The following MOXD1 variants were observed in gnomAD, a reference collection of about 807,000 sequenced individuals.
The protein encoded by MOXD1 is DBH-like monooxygenase protein 1.
In MOXD1, 62 loss-of-function variants were observed where a neutral mutation model predicts 66.6. The observed-to-expected ratio is 0.93, with a 90% CI of 0.76 to 1.15. The LOEUF is 1.15. MOXD1 is among the 50% of genes most tolerant of loss of function. The pLI is 0.00. For synonymous variants in MOXD1, 303 were observed against 281.9 expected (o/e 1.07, Z -0.75); for missense variants, 847 against 754.6 (o/e 1.12, Z -1.44).
chr6:132,325,881 CAAAT>C (rs1375627877), intron 6 of MOXD1, among the ~76,000 whole-genome samples: 3 of 152,236 alleles, frequency 2.0e-5, no homozygotes, highest in Non-Finnish European at 2.9e-5. Context: ...AATTGTTAAA[CAAAT>C]AAATCATAAA....
chr6:132,329,058 G>T (rs1003163711), intron 4 of MOXD1, among the ~76,000 whole-genome samples: 1 of 152,004 alleles, frequency 6.6e-6, no homozygotes, highest in Non-Finnish European at 1.5e-5. Context: ...TTGGTTTGCT[G>T]CACCCATTAA....
chr6:132,386,285 C>T (rs1224962840), intron 1 of MOXD1, among the ~76,000 whole-genome samples: 1 of 146,882 alleles, frequency 6.8e-6, no homozygotes, highest in Non-Finnish European at 1.5e-5. Flanking sequence ...GCCTGTAGTC[C>T]CAGCTACTTG....
rs1294063702 is a variant in MOXD1 at position 132,374,922 on chromosome 6, G to T, written c.265-145C>A. On this transcript the variant is annotated intron_variant, in intron 1 of 11. Transcript: ENST00000367963. ...CAAGGGGCTGGAGTATTCCAACTGGGGAATCAGGTCCCTGGGAAACTAGTC... is the reference window on the plus strand; with the variant it reads ...CAAGGGGCTGGAGTATTCCAACTGGTGAATCAGGTCCCTGGGAAACTAGTC... 6 of 766,742 alleles carry T rather than the reference G, an allele frequency of 7.8e-6. No individual in the cohort carries two copies. The East Asian group carries it at 1.6e-4, about 20-fold the overall frequency. 47.5% of individuals were successfully genotyped at this position (766,742 alleles called of 1,614,324 possible).
At chr6:132,377,152 T>C (rs1776407222) in intron 1 of MOXD1, among the ~76,000 whole-genome samples, 1 of 152,238 alleles carries the variant, frequency 6.6e-6, no homozygotes, top group Admixed American at 6.5e-5. Flanking sequence ...ATGTTACTTT[T>C]CTTCTGCCAA....
At chr6:132,315,293 C>T (rs1054646904) in intron 10 of MOXD1, among the ~76,000 whole-genome samples, 2 of 152,302 alleles carry the variant, frequency 1.3e-5, no homozygotes, top group South Asian at 2.1e-4. Flanking sequence ...TGGAAGAGGG[C>T]TCTTGGAAGC....
chr6:132,374,972 G>A, intron 1 of MOXD1, 195 bp from the exon 2 acceptor site: 1 of 617,806 alleles, frequency 1.6e-6, no homozygotes, highest in South Asian at 2.0e-5. Context: ...TGGCCTTTCA[G>A]GAAAGCATAG....
In MOXD1 at chr6:132,296,889, A is replaced by C. The variant is rs919288270; in HGVS notation, c.*264T>G. ...AAGAATTCTTTTATTCCCACATGAC[A>C]GCCCAATTTTTTAAAATGGTTATCT... On this transcript the variant is annotated 3_prime_UTR_variant, in exon 12 of 12. Coordinates refer to ENST00000367963, the MANE Select transcript of MOXD1 (RefSeq NM_015529.4). 23 of 281,324 alleles carry C rather than the reference A, an allele frequency of 8.2e-5. No homozygotes were observed. The highest frequency in any genetic ancestry group is 1.5e-4 in the Non-Finnish European group (23 of 151,734). 17.4% of individuals were successfully genotyped at this position (281,324 alleles called of 1,614,324 possible). A position where few individuals can be genotyped will look rare whatever the true frequency, so the allele number is the denominator to read the frequency against.
Position 132,296,871 on chromosome 6 carries a change from C to T in MOXD1, c.*282G>A, listed in dbSNP as rs961357941. On this transcript the variant is annotated 3_prime_UTR_variant, in exon 12 of 12. Transcript: ENST00000367963. Reference sequence around the variant, plus strand: ...AGAATGTAGTAGGAAAGAAAGAATTCTTTTATTCCCACATGACAGCCCAAT... The same window carrying T: ...AGAATGTAGTAGGAAAGAAAGAATTTTTTTATTCCCACATGACAGCCCAAT... The T allele has an allele frequency of 1.2e-5, 3 of 245,592 alleles. No individual in the cohort carries two copies. Among genetic ancestry groups the T allele is most frequent in the Admixed American group, 1.1e-4 (2 of 18,950 alleles). 15.2% of individuals were successfully genotyped at this position (245,592 alleles called of 1,614,324 possible).
intron 10 of MOXD1, among the ~76,000 whole-genome samples, chr6:132,300,813 C>A (rs1235629262): frequency 2.6e-5 from 4 of 152,140 alleles, no homozygotes; most frequent in Admixed American, 2.6e-4. Flanking sequence ...TGGTCATCAA[C>A]CTTTCTGAGA....
rs555536289 is a variant in MOXD1, at chr6:132,330,333, T to C, written c.664-1739A>G. Among the ~76,000 whole-genome samples the C allele has an allele frequency of 2.0e-5, 3 of 152,348 alleles. No homozygotes were observed. In the South Asian group the frequency reaches 6.2e-4, roughly 32 times the overall value. On this transcript the variant is annotated intron_variant, in intron 4 of 11. Transcript: ENST00000367963. Reference sequence around the variant, plus strand: ...TCAGATCAGCAGTGGCATTAGGTTCTCATAGGAGTGCGAATCTTATTATGA... The same window carrying C: ...TCAGATCAGCAGTGGCATTAGGTTCCCATAGGAGTGCGAATCTTATTATGA...
chr6:132,314,575 T>C (rs560137905), intron 10 of MOXD1, among the ~76,000 whole-genome samples: 2 of 152,306 alleles, frequency 1.3e-5, no homozygotes, highest in Admixed American at 6.5e-5. Flanking sequence ...CCAAATGCAC[T>C]CTCTTGCTGC....
intron 10 of MOXD1, among the ~76,000 whole-genome samples, chr6:132,305,418 C>T (rs1774666963): frequency 6.6e-6 from 1 of 152,262 alleles, no homozygotes; most frequent in Non-Finnish European, 1.5e-5. Flanking sequence ...TGTGGACCAG[C>T]AGGCTTCGCC....
At chr6:132,299,849 T>C (rs1470509150) in intron 10 of MOXD1, among the ~76,000 whole-genome samples, 3 of 151,980 alleles carry the variant, frequency 2.0e-5, no homozygotes, top group Non-Finnish European at 2.9e-5. Flanking sequence ...TATACATTAA[T>C]CTTCATATTT....
intron 10 of MOXD1, 138 bp downstream of exon 10, chr6:132,315,497 T>C: frequency 1.0e-6 from 1 of 1,002,192 alleles, no homozygotes; most frequent in Non-Finnish European, 1.4e-6. Flanking sequence ...GGTTACTTGG[T>C]CTCCCCAGTT....
chr6:132,329,628 T>A (rs576804876), intron 4 of MOXD1, among the ~76,000 whole-genome samples: 1 of 152,208 alleles, frequency 6.6e-6, no homozygotes, highest in East Asian at 1.9e-4. Context: ...GGCTCAATCA[T>A]TTTTACTGGT....
At chr6:132,386,651 C>T (rs979772366) in intron 1 of MOXD1, among the ~76,000 whole-genome samples, 1 of 151,270 alleles carries the variant, frequency 6.6e-6, no homozygotes, top group African/African-American at 2.4e-5. Context: ...TAGCATCACA[C>T]GTAAGTTGGA....
intron 4 of MOXD1, among the ~76,000 whole-genome samples, chr6:132,345,986 A>C (rs955683517): frequency 6.6e-6 from 1 of 151,944 alleles, no homozygotes; most frequent in African/African-American, 2.4e-5. Context: ...TCTCTGGATT[A>C]CATTTTGCTT....
intron 8 of MOXD1, among the ~76,000 whole-genome samples, 166 bp from the exon 9 acceptor site, chr6:132,320,854 C>T: frequency 6.6e-6 from 1 of 152,204 alleles, no homozygotes. Context: ...GCTGATATAA[C>T]AAGCAAGCAA....
At chr6:132,319,017 C>A (rs898259867) in intron 9 of MOXD1, among the ~76,000 whole-genome samples, 1 of 151,890 alleles carries the variant, frequency 6.6e-6, no homozygotes, top group Non-Finnish European at 1.5e-5. Flanking sequence ...TGCTCCAAGT[C>A]TTCTAACTTG....
Sources: gnomAD v4.1 joint callset for allele counts (sites outside exome capture counted in the v4.1 genomes callset) on GRCh38, gnomAD v4.1.1 for gene constraint, MANE v1.5 for transcripts, NCBI Gene and HGNC (gene_info 2026-07-23, HGNC 2026-07-21) for gene names.